Variants in TAFA5 observed in about 807,000 individuals in gnomAD.
The protein encoded by TAFA5 is chemokine-like protein TAFA-5.
Under a neutral mutation model 15.3 loss-of-function variants are expected in TAFA5, and 6 were observed. The ratio of observed to expected loss-of-function variants is 0.39; its 90% confidence interval spans 0.21 to 0.77. The LOEUF is 0.77. Among genes scored for constraint, TAFA5 ranks in the 30% least tolerant of loss-of-function variants. The pLI is 0.41. For synonymous variants in TAFA5, 103 were observed against 80.7 expected (o/e 1.28, Z -1.48); for missense variants, 161 against 193.1 (o/e 0.83, Z 0.98).
intron 1 of TAFA5, among the ~76,000 whole-genome samples, chr22:48,609,583 G>C (rs1202942473): frequency 2.0e-5 from 3 of 152,204 alleles, no homozygotes; most frequent in African/African-American, 4.8e-5. Context: ...ACCCAGGACG[G>C]GGCCGCCCCC....
chr22:48,728,185 T>C (rs1929764380), intron 3 of TAFA5, among the ~76,000 whole-genome samples: 2 of 152,236 alleles, frequency 1.3e-5, no homozygotes, highest in Non-Finnish European at 1.5e-5. Flanking sequence ...AACCAAGTCA[T>C]GAATTAAATC....
intron 2 of TAFA5, among the ~76,000 whole-genome samples, chr22:48,704,619 C>CG (rs913997066): frequency 1.1e-4 from 16 of 151,570 alleles, no homozygotes; most frequent in Non-Finnish European, 2.1e-4. Context: ...CCTGGGAAGC[C>CG]GGGGGGTTCC....
At chr22:48,493,209 G>A (rs900039200) in intron 1 of TAFA5, among the ~76,000 whole-genome samples, 3 of 152,252 alleles carry the variant, frequency 2.0e-5, no homozygotes, top group African/African-American at 7.2e-5. Flanking sequence ...TTCAGCACGA[G>A]CAGGTGGATG....
At chr22:48,573,489 A>T (rs149929724) in intron 1 of TAFA5, among the ~76,000 whole-genome samples, 2 of 151,556 alleles carry the variant, frequency 1.3e-5, no homozygotes. Flanking sequence ...TGACTTCCCA[A>T]TGGCACCCAG....
At chr22:48,743,415 G>A (rs1930238197) in intron 3 of TAFA5, among the ~76,000 whole-genome samples, 1 of 152,162 alleles carries the variant, frequency 6.6e-6, no homozygotes, top group South Asian at 2.1e-4. Flanking sequence ...TAAGGGAGTG[G>A]TATCCACCCT....
At chr22:48,652,246 C>T (rs904302967) in intron 2 of TAFA5, among the ~76,000 whole-genome samples, 6 of 152,202 alleles carry the variant, frequency 3.9e-5, no homozygotes, top group African/African-American at 1.2e-4. Flanking sequence ...ACTGGGAGTG[C>T]GCCAAGGTCC....
At position 48,490,017 on chromosome 22, in the gene TAFA5, A is replaced by G. The variant is rs1928087342; in HGVS notation, c.112+313A>G. Among the ~76,000 whole-genome samples, 1 of 151,760 alleles carries G rather than the reference A, an allele frequency of 6.6e-6. No homozygotes were observed. The highest frequency in any genetic ancestry group is 2.4e-5 in the African/African-American group (1 of 41,346). ...CCTGCCCGGCGGTCGGAGCCCAGCCAGCGGCTTCCCGGCCGAGATGCGCGC... is the reference window on the plus strand; with the variant it reads ...CCTGCCCGGCGGTCGGAGCCCAGCCGGCGGCTTCCCGGCCGAGATGCGCGC... On this transcript the variant is annotated intron_variant, in intron 1 of 3. Coordinates refer to ENST00000402357, the MANE Select transcript of TAFA5 (RefSeq NM_001082967.3). The surrounding 1 kb of genome is among the most constrained non-coding windows in gnomAD (Gnocchi z 5.8).
chr22:48,524,092 A>C (rs186513261), intron 1 of TAFA5, among the ~76,000 whole-genome samples: 2 of 152,276 alleles, frequency 1.3e-5, no homozygotes, highest in African/African-American at 2.4e-5. Context: ...CTCTGACCTT[A>C]TTTTAGTCCA....
rs913013465 is a variant in TAFA5 at position 48,750,117 on chromosome 22, A to G, written c.*270A>G. On this transcript the variant is annotated 3_prime_UTR_variant, in exon 4 of 4. Transcript: ENST00000402357. ...AGTCTGTGGGAGCCCGGCCGCGCCC[A>G]GCCCCCGCCGACCGTGGCGTTGGCC... The G allele has an allele frequency of 3.9e-6, 2 of 512,204 alleles. No individual in the cohort carries two copies. The highest frequency in any genetic ancestry group is 4.8e-5 in the South Asian group (2 of 42,042). The allele number at this position is 512,204 out of a possible 1,614,324, so 31.7% of individuals were successfully genotyped here. A position where few individuals can be genotyped will look rare whatever the true frequency, so the allele number is the denominator to read the frequency against.
intron 2 of TAFA5, among the ~76,000 whole-genome samples, chr22:48,700,998 G>A (rs1928888502): frequency 6.6e-6 from 1 of 152,194 alleles, no homozygotes; most frequent in Non-Finnish European, 1.5e-5. Context: ...AGGCTGGGGA[G>A]GAGAGGATGG....
intron 1 of TAFA5, among the ~76,000 whole-genome samples, chr22:48,580,452 A>G (rs1210938360): frequency 6.6e-6 from 1 of 152,244 alleles, no homozygotes. Flanking sequence ...CTAAGACTCC[A>G]TCAAAAATAT....
At chr22:48,701,675 G>A (rs1008185567) in intron 2 of TAFA5, among the ~76,000 whole-genome samples, 8 of 152,224 alleles carry the variant, frequency 5.3e-5, no homozygotes, top group Non-Finnish European at 5.9e-5. Flanking sequence ...GCTGTGCGGA[G>A]GACCTGTGGC....
At chr22:48,725,723 AG>A (rs1330505756) in intron 3 of TAFA5, among the ~76,000 whole-genome samples, 1 of 121,456 alleles carries the variant, frequency 8.2e-6, no homozygotes, top group Admixed American at 8.2e-5. Context: ...GATAATTCAC[AG>A]AAAAAAAAAA....
At chr22:48,741,290 T>C (rs1930173258) in intron 3 of TAFA5, among the ~76,000 whole-genome samples, 1 of 152,048 alleles carries the variant, frequency 6.6e-6, no homozygotes, top group Non-Finnish European at 1.5e-5. Context: ...TCCTCACCCC[T>C]GGGTCCCTCC....
chr22:48,745,277 C>G (rs1266538862), intron 3 of TAFA5, among the ~76,000 whole-genome samples: 2 of 151,536 alleles, frequency 1.3e-5, no homozygotes, highest in Non-Finnish European at 2.9e-5. Context: ...GGGGTTCACC[C>G]TGAGCATTGG....
chr22:48,619,062 C>T (rs1269156846), intron 1 of TAFA5, among the ~76,000 whole-genome samples: 3 of 152,180 alleles, frequency 2.0e-5, no homozygotes, highest in African/African-American at 7.2e-5. Context: ...GTCAGCTGTT[C>T]GGCTTTCCAC....
At chr22:48,716,027 G>C (rs1470924340) in intron 3 of TAFA5, among the ~76,000 whole-genome samples, 1 of 152,178 alleles carries the variant, frequency 6.6e-6, no homozygotes, top group Non-Finnish European at 1.5e-5. Flanking sequence ...TGCTTGTTTT[G>C]TCAGGCTTGT....
chr22:48,748,132 G>C (rs6010521), intron 3 of TAFA5, among the ~76,000 whole-genome samples: 39,293 of 152,126 alleles, frequency 0.26, 6,132 homozygotes, highest in African/African-American at 0.44. Flanking sequence ...TGATGGAAAG[G>C]CTTGTGTGGG....
chr22:48,600,655 A>G (rs1408854202), intron 1 of TAFA5, among the ~76,000 whole-genome samples: 1 of 152,216 alleles, frequency 6.6e-6, no homozygotes, highest in Non-Finnish European at 1.5e-5. Context: ...TCACCCAACT[A>G]TGATGTTGAA....
Sources: gnomAD v4.1 joint callset for allele counts (sites outside exome capture counted in the v4.1 genomes callset) on GRCh38, gnomAD v4.1.1 for gene constraint, Gnocchi (gnomAD v3.1) non-coding constraint, MANE v1.5 for transcripts, NCBI Gene and HGNC (gene_info 2026-07-23, HGNC 2026-07-21) for gene names.